Variants in IFT80 observed in about 807,000 individuals in gnomAD.
IFT80 encodes the protein intraflagellar transport protein 80 homolog.
Under a neutral mutation model 107.9 loss-of-function variants are expected in IFT80, and 79 were observed. The observed-to-expected ratio is 0.73, with a 90% confidence interval of 0.61 to 0.88. The LOEUF (loss-of-function observed/expected upper bound fraction) is 0.88. IFT80 is among the 40% of genes least tolerant of loss of function. The pLI is 0.00. For missense variants in IFT80, 797 were observed against 914.2 expected (o/e 0.87, Z 1.65); for synonymous variants, 299 against 300.9 (o/e 0.99, Z 0.07).
At chr3:160,345,669 T>C (rs1238725110) in intron 8 of IFT80, among the ~76,000 whole-genome samples, 1 of 127,200 alleles carries the variant, frequency 7.9e-6, no homozygotes, top group Non-Finnish European at 1.6e-5. Context: ...ACTCCAGCCT[T>C]GGCGAGAGAG....
At chr3:160,347,074 C>A (rs769681719) in intron 8 of IFT80, among the ~76,000 whole-genome samples, 1 of 152,112 alleles carries the variant, frequency 6.6e-6, no homozygotes, top group Non-Finnish European at 1.5e-5. Flanking sequence ...TCAAAAAGTG[C>A]AATTTGTGAG....
intron 9 of IFT80, among the ~76,000 whole-genome samples, chr3:160,313,013 TAATA>T (rs1452556796): frequency 3.5e-5 from 3 of 86,270 alleles, no homozygotes; most frequent in Admixed American, 4.1e-4. Flanking sequence ...AATTAATATA[TAATA>T]AATATATATT....
intron 12 of IFT80, among the ~76,000 whole-genome samples, chr3:160,290,834 A>G (rs1341564506): frequency 6.6e-6 from 1 of 152,156 alleles, no homozygotes; most frequent in Non-Finnish European, 1.5e-5. Context: ...AAGTGCTGGG[A>G]TTACAGATGT....
chr3:160,338,260 A>AT (rs1255997437), intron 8 of IFT80, among the ~76,000 whole-genome samples: 1 of 152,188 alleles, frequency 6.6e-6, no homozygotes, highest in African/African-American at 2.4e-5. Flanking sequence ...CTGGACTTCC[A>AT]TATCAGTGAC....
rs551999134 is a variant in IFT80 at position 160,349,525 on chromosome 3, T to G, written c.777+6488A>C. Among the ~76,000 whole-genome samples, 18 of 152,234 alleles carry G rather than the reference T, an allele frequency of 1.2e-4. No individual in the cohort carries two copies. In the South Asian group the frequency reaches 3.5e-3, roughly 30 times the overall value. ...GCTCTCAAACACTAAATAGAAATTTTATAAATTTGTGGAAAATGCTAGGGT... is the reference window on the plus strand; with the variant it reads ...GCTCTCAAACACTAAATAGAAATTTGATAAATTTGTGGAAAATGCTAGGGT... On this transcript the variant is annotated intron_variant, in intron 8 of 19. Coordinates refer to ENST00000326448, the MANE Select transcript of IFT80 (RefSeq NM_020800.3).
At chr3:160,341,857 C>T (rs1405776485) in intron 8 of IFT80, among the ~76,000 whole-genome samples, 3 of 152,164 alleles carry the variant, frequency 2.0e-5, no homozygotes, top group African/African-American at 7.2e-5. Context: ...TGGCTATATC[C>T]TTTCCCTGGC....
At position 160,277,647 on chromosome 3, in the gene IFT80, T is replaced by A. The variant is rs941742085; in HGVS notation, c.1860A>T (p.Leu620=). The A allele has an allele frequency of 1.2e-6, 2 of 1,613,546 alleles. No homozygotes were observed. The highest frequency in any genetic ancestry group is 1.7e-4 in the Middle Eastern group (1 of 6,058). ...FVKEQTMWAC[L]AAMAVANRDM... ...CTCGATTAGCAACTGCCATAGCAGC[T>A]AGACAAGCCCACATGGTTTGCTCCT... The change falls in exon 17 of 20, where the codon CTA becomes CTT. Residue 620 remains leucine, a synonymous_variant. Transcript: ENST00000326448.
Position 160,303,970 on chromosome 3 carries a change from GT to G in IFT80, c.1095del (p.Pro366GlnfsTer13). 6.2e-7 allele frequency: 1 copy of G among 1,610,004 alleles called. No homozygotes were observed. The highest frequency in any genetic ancestry group is 8.5e-7 in the Non-Finnish European group (1 of 1,176,656). On this transcript the variant is annotated frameshift_variant, in exon 11 of 20. Coordinates refer to ENST00000326448, the MANE Select transcript of IFT80 (RefSeq NM_020800.3). LOFTEE classifies it high-confidence loss of function. ...CCTTCTTTGAGATCAAATATAATTGGTGTGTTCCAGTTCTTCGTGCTAAAAG... is the reference window on the plus strand; with the variant it reads ...CCTTCTTTGAGATCAAATATAATTGGGTGTTCCAGTTCTTCGTGCTAAAAG... ...CYVFSTKNWN[T>X]PIIFDLKEGT... is the part of the protein sequence containing the mutation.
At chr3:160,317,271 T>C (rs923455337) in intron 9 of IFT80, among the ~76,000 whole-genome samples, 1 of 152,110 alleles carries the variant, frequency 6.6e-6, no homozygotes, top group Non-Finnish European at 1.5e-5. Flanking sequence ...TTTATAATCA[T>C]GGAGAAAGTA....
Position 160,359,330 on chromosome 3 carries a change from C to T in IFT80, c.550-1752G>A, listed in dbSNP as rs112757632. 8.7e-3 allele frequency among the ~76,000 whole-genome samples: 1,331 copies of T among 152,294 alleles called. 11 individuals are homozygous for T. The highest frequency in any genetic ancestry group is 0.013 in the Non-Finnish European group (914 of 68,026). ...ATAACCAGCTTCCTGAGTTTCATTT[C>T]TATAAGCCTAATTACAGGTATCTAA... On this transcript the variant is annotated intron_variant, in intron 6 of 19. Transcript: ENST00000326448.
intron 19 of IFT80, among the ~76,000 whole-genome samples, chr3:160,263,855 T>C (rs1302031117): frequency 1.3e-5 from 2 of 151,996 alleles, no homozygotes; most frequent in African/African-American, 4.8e-5. Flanking sequence ...TTTTGTATTT[T>C]TACTAGAGAC....
intron 12 of IFT80, among the ~76,000 whole-genome samples, chr3:160,296,137 C>T (rs1027932695): frequency 3.9e-5 from 6 of 152,130 alleles, no homozygotes; most frequent in Non-Finnish European, 5.9e-5. Context: ...CCTGAAAAAT[C>T]TGTTAAAAAG....
chr3:160,339,464 C>T (rs1443313619), intron 8 of IFT80, among the ~76,000 whole-genome samples: 1 of 151,952 alleles, frequency 6.6e-6, no homozygotes, highest in African/African-American at 2.4e-5. Context: ...TAATTTTTTG[C>T]CACAAATTTC....
chr3:160,293,391 T>C (rs920293737), intron 12 of IFT80, among the ~76,000 whole-genome samples: 3 of 152,188 alleles, frequency 2.0e-5, no homozygotes, highest in African/African-American at 7.2e-5. Flanking sequence ...CTTTACAATA[T>C]GGTATAACAC....
intron 8 of IFT80, among the ~76,000 whole-genome samples, chr3:160,324,910 C>G (rs1367441810): frequency 3.3e-5 from 5 of 151,406 alleles, no homozygotes. Context: ...TCTCCTTAAG[C>G]TGATAAGCAA....
chr3:160,267,246 T>C (rs1239889791), intron 19 of IFT80, among the ~76,000 whole-genome samples: 1 of 152,150 alleles, frequency 6.6e-6, no homozygotes, highest in Non-Finnish European at 1.5e-5. Context: ...AAGTAGATAA[T>C]GTTGGCTTTA....
intron 8 of IFT80, among the ~76,000 whole-genome samples, chr3:160,336,014 A>G (rs559967528): frequency 6.6e-6 from 1 of 152,330 alleles, no homozygotes; most frequent in South Asian, 2.1e-4. Context: ...GCCAAATAAT[A>G]TTCTATTGTA....
At chr3:160,294,382 G>A (rs1284585211) in intron 12 of IFT80, among the ~76,000 whole-genome samples, 1 of 152,082 alleles carries the variant, frequency 6.6e-6, no homozygotes, top group African/African-American at 2.4e-5. Context: ...CACTATGCCT[G>A]CCTAAGTTTT....
At chr3:160,262,462 G>A (rs1199411536) in intron 19 of IFT80, among the ~76,000 whole-genome samples, 1 of 151,448 alleles carries the variant, frequency 6.6e-6, no homozygotes, top group Non-Finnish European at 1.5e-5. Flanking sequence ...TGGGACCACA[G>A]GTGTATGCTA....
Sources: allele counts gnomAD v4.1 joint callset (sites outside exome capture counted in the v4.1 genomes callset), GRCh38; gene constraint gnomAD v4.1.1; transcripts MANE v1.5; gene names NCBI Gene and HGNC (gene_info 2026-07-23, HGNC 2026-07-21).